ADCY8: variants seen among roughly 807,000 people sequenced by gnomAD.
The protein encoded by ADCY8 is adenylate cyclase type 8.
ADCY8 carries 51 observed loss-of-function variants against 119.7 expected under a neutral mutation model. The ratio of observed to expected loss-of-function variants is 0.43; its 90% CI spans 0.34 to 0.54. ADCY8 has a LOEUF of 0.54. ADCY8 is among the 20% of genes least tolerant of loss of function. The pLI is 0.03. For missense variants in ADCY8, 1,383 were observed against 1,598.8 expected, an observed-to-expected ratio of 0.87 and a Z score of 2.30; for synonymous variants, 665 against 651.0, an observed-to-expected ratio of 1.02 and a Z score of -0.33.
At chr8:130,822,569 TCCATCC>T (rs1816549700) in intron 12 of ADCY8, among the ~76,000 whole-genome samples, 1 of 151,816 alleles carries the variant, frequency 6.6e-6, no homozygotes, top group Non-Finnish European at 1.5e-5. Flanking sequence ...CATCCATCCA[TCCATCC>T]ATCCATCCAT....
At chr8:130,947,018 C>G (rs1821125093) in intron 3 of ADCY8, among the ~76,000 whole-genome samples, 1 of 152,168 alleles carries the variant, frequency 6.6e-6, no homozygotes, top group South Asian at 2.1e-4. Context: ...AGGTGCTGAG[C>G]TCAGATCATC....
rs556170311 is a variant in ADCY8, at chr8:130,857,355, A to G, written c.2211-7552T>C. ...CCATTTCCATTTCTTTATTAGTTTT[A>G]TCCTTTCTTTATAGACACTACAGTT... On this transcript the variant is annotated intron_variant, in intron 9 of 17. Transcript: ENST00000286355. Among the ~76,000 whole-genome samples, 25 of 152,074 alleles carry G rather than the reference A, an allele frequency of 1.6e-4. No individual in the cohort carries two copies. In the South Asian group the frequency reaches 5.2e-3, roughly 32 times the overall value.
At chr8:130,799,016 T>G (rs1188600967) in intron 15 of ADCY8, among the ~76,000 whole-genome samples, 1 of 151,998 alleles carries the variant, frequency 6.6e-6, no homozygotes, top group Non-Finnish European at 1.5e-5. Context: ...GATATGATGC[T>G]AAGTGAAATA....
rs113307032 is a variant in ADCY8 at position 131,003,404 on chromosome 8, T to C, written c.961-12862A>G. On this transcript the variant is annotated intron_variant, in intron 1 of 17. Coordinates refer to ENST00000286355, the MANE Select transcript of ADCY8 (RefSeq NM_001115.3). ...TGCTAATGCAAAGTAGTTTAAGATA[T>C]CAACATATTCAAAATGTCTATTTAT... 5.6e-3 allele frequency among the ~76,000 whole-genome samples: 850 copies of C among 152,302 alleles called. 6 individuals carry two copies. Among genetic ancestry groups the C allele is most frequent in the African/African-American group, 0.02 (822 of 41,570 alleles).
chr8:130,824,059 C>T (rs1816599456), intron 12 of ADCY8, among the ~76,000 whole-genome samples: 1 of 152,028 alleles, frequency 6.6e-6, no homozygotes, highest in African/African-American at 2.4e-5. Flanking sequence ...AGTCATTTTC[C>T]CAAGGTCACA....
chr8:130,941,598 C>T (rs539588297), intron 4 of ADCY8, among the ~76,000 whole-genome samples: 1 of 152,270 alleles, frequency 6.6e-6, no homozygotes, highest in East Asian at 1.9e-4. Context: ...CAGTCCCTAG[C>T]CCTCCAGCTA....
At chr8:130,782,727 C>T (rs943352526) in intron 17 of ADCY8, among the ~76,000 whole-genome samples, 1 of 152,194 alleles carries the variant, frequency 6.6e-6, no homozygotes, top group African/African-American at 2.4e-5. Flanking sequence ...AGATCAAAAA[C>T]ATAAAATATA....
At chr8:130,889,125 G>A (rs1586536852) in intron 7 of ADCY8, among the ~76,000 whole-genome samples, 1 of 152,110 alleles carries the variant, frequency 6.6e-6, no homozygotes, top group Non-Finnish European at 1.5e-5. Flanking sequence ...TCTCAAAAAT[G>A]TGTTTCAAGA....
rs146789438 is a variant in ADCY8 at position 131,036,119 on chromosome 8, G to A, written c.960+3255C>T. ...ATAATTGGCATCAGAGTCAGGGTTT[G>A]AATTCTGTCCTCCACTTGCCAGGTT... is the stretch of plus-strand genomic sequence containing the variant. On this transcript the variant is annotated intron_variant, in intron 1 of 17. Coordinates refer to ENST00000286355, the MANE Select transcript of ADCY8 (RefSeq NM_001115.3). Among the ~76,000 whole-genome samples the A allele has an allele frequency of 7.6e-3, 1,158 of 152,264 alleles. 8 individuals are homozygous for A. Among genetic ancestry groups the A allele is most frequent in the African/African-American group, 0.027 (1,119 of 41,546 alleles).
chr8:130,781,984 A>T (rs937804568), intron 17 of ADCY8, among the ~76,000 whole-genome samples: 7 of 152,166 alleles, frequency 4.6e-5, no homozygotes, highest in Non-Finnish European at 8.8e-5. Context: ...CTGGGGAGAG[A>T]TAGAAAATAA....
chr8:130,995,920 A>G (rs1231768307), intron 1 of ADCY8, among the ~76,000 whole-genome samples: 2 of 152,166 alleles, frequency 1.3e-5, no homozygotes, highest in Non-Finnish European at 2.9e-5. Flanking sequence ...ATGGACAACT[A>G]GCATCCAGCA....
At chr8:130,871,570 A>G (rs2130409958) in intron 8 of ADCY8, among the ~76,000 whole-genome samples, 1 of 152,318 alleles carries the variant, frequency 6.6e-6, no homozygotes, top group East Asian at 1.9e-4. Context: ...CTGTCAATCA[A>G]TTAATTATAC....
intron 5 of ADCY8, among the ~76,000 whole-genome samples, chr8:130,915,073 T>C (rs1482550828): frequency 6.6e-6 from 1 of 152,232 alleles, no homozygotes; most frequent in Non-Finnish European, 1.5e-5. Context: ...AGAGCAAATC[T>C]ACTTTCTGTT....
At chr8:130,802,165 C>A (rs1815801129) in intron 14 of ADCY8, among the ~76,000 whole-genome samples, 1 of 152,118 alleles carries the variant, frequency 6.6e-6, no homozygotes, top group South Asian at 2.1e-4. Flanking sequence ...TCCAACTAAG[C>A]CTGTGTCTAC....
At position 130,921,672 on chromosome 8, in the gene ADCY8, C is replaced by T. The variant is rs916940890; in HGVS notation, c.1482-11806G>A. On this transcript the variant is annotated intron_variant, in intron 5 of 17. Transcript: ENST00000286355. The stretch of plus-strand genomic sequence containing the variant: ...TTCTCCATGTTGGTCAGACTGGTCT[C>T]GAACTCCCGATCTCAGGTGATCTGC... Among the ~76,000 whole-genome samples the T allele has an allele frequency of 3.7e-4, 56 of 151,920 alleles. 1 individual carries two copies. The highest frequency in any genetic ancestry group is 1.2e-3 in the African/African-American group (48 of 41,352).
At chr8:130,789,189 A>G (rs1815347922) in intron 15 of ADCY8, among the ~76,000 whole-genome samples, 1 of 152,202 alleles carries the variant, frequency 6.6e-6, no homozygotes, top group African/African-American at 2.4e-5. Flanking sequence ...CTATAAGACA[A>G]CAAACCTGTT....
chr8:130,943,325 C>T lies in ADCY8; in HGVS notation c.1353+26G>A, dbSNP rs112103373. The T allele has an allele frequency of 4.0e-5, 62 of 1,533,534 alleles. No individual in the cohort carries two copies. In the African/African-American group the frequency reaches 4.5e-4, roughly 11 times the overall value. The allele number at this position is 1,533,534 out of a possible 1,614,324, so 95.0% of individuals were successfully genotyped here. A position where few individuals can be genotyped will look rare whatever the true frequency, so the allele number is the denominator to read the frequency against. ...TGCAGTCCCTCACTCCTGCAAAAGA[C>T]GAGGAGGAAATTAAATTCAACTCAC... On this transcript the variant is annotated intron_variant, in intron 4 of 17. Transcript: ENST00000286355.
intron 1 of ADCY8, among the ~76,000 whole-genome samples, chr8:131,019,231 G>A (rs955129888): frequency 1.3e-5 from 2 of 152,196 alleles, no homozygotes; most frequent in African/African-American, 4.8e-5. Context: ...TTTTCTACAA[G>A]TAGAGTTGCC....
At chr8:130,943,047 C>T (rs1479439790) in intron 4 of ADCY8, among the ~76,000 whole-genome samples, 1 of 152,164 alleles carries the variant, frequency 6.6e-6, no homozygotes, top group African/African-American at 2.4e-5. Flanking sequence ...CTGGATGGCA[C>T]CTGGCCACGT....
Sources: gnomAD v4.1 joint callset for allele counts (sites outside exome capture counted in the v4.1 genomes callset) on GRCh38, gnomAD v4.1.1 for gene constraint, MANE v1.5 for transcripts, NCBI Gene and HGNC (gene_info 2026-07-23, HGNC 2026-07-21) for gene names.